ODF2: variants seen among roughly 807,000 people sequenced by gnomAD.
The protein encoded by ODF2 is outer dense fiber protein 2.
Under a neutral mutation model 110.2 loss-of-function variants are expected in ODF2, and 47 were observed. The observed-to-expected ratio is 0.43, with a 90% confidence interval of 0.34 to 0.54. The LOEUF is 0.54. ODF2 is among the 20% of genes least tolerant of loss of function. The pLI, the probability that ODF2 is intolerant of heterozygous loss-of-function variation, is 0.03. For synonymous variants in ODF2, 352 were observed against 397.7 expected (o/e 0.89, Z 1.37); for missense variants, 812 against 1,054.5 (o/e 0.77, Z 3.19).
At chr9:128,456,286 G>C in intron 1 of ODF2, 31 bp downstream of exon 1, 1 of 1,517,704 alleles carries the variant, frequency 6.6e-7, no homozygotes, top group African/African-American at 1.4e-5. Context: ...GGGATCCAGC[G>C]CCCTCCGGGG....
At chr9:128,457,130 G>T in intron 1 of ODF2, 2 of 1,404,346 alleles carry the variant, frequency 1.4e-6, no homozygotes, top group South Asian at 1.2e-5. Flanking sequence ...GTTCTGCCCC[G>T]TCCCCTCCCC....
chr9:128,459,512 AT>A (rs1835848008), intron 2 of ODF2, 54 bp from the exon 2 acceptor site: 1 of 1,387,572 alleles, frequency 7.2e-7, no homozygotes, highest in African/African-American at 1.4e-5. Context: ...GAGATCTGAA[AT>A]ATAAGATTGC....
chr9:128,468,351 A>G (rs1417363246), intron 4 of ODF2, among the ~76,000 whole-genome samples: 1 of 152,052 alleles, frequency 6.6e-6, no homozygotes, highest in Non-Finnish European at 1.5e-5. Flanking sequence ...CTGATTTGTT[A>G]TATTATTTCT....
chr9:128,458,686 C>T (rs1835612563), intron 2 of ODF2, among the ~76,000 whole-genome samples: 1 of 151,388 alleles, frequency 6.6e-6, no homozygotes. Flanking sequence ...AAAAAAAATC[C>T]CCTGCTGCTT....
chr9:128,472,188 G>C (rs571291756), intron 6 of ODF2, among the ~76,000 whole-genome samples: 1 of 152,140 alleles, frequency 6.6e-6, no homozygotes, highest in African/African-American at 2.4e-5. Flanking sequence ...GCTGAGGCAG[G>C]AGAACTGCTT....
At chr9:128,460,298 G>C in intron 3 of ODF2, 1 of 1,392,260 alleles carries the variant, frequency 7.2e-7, no homozygotes. Context: ...GTTCTGGAAC[G>C]GGTGGGTCTT....
chr9:128,456,453 A>G, intron 1 of ODF2, 198 bp downstream of exon 1: 2 of 1,515,472 alleles, frequency 1.3e-6, no homozygotes, highest in East Asian at 2.7e-5. Context: ...TCCTCCCGCT[A>G]ACGGGCGGTC....
intron 9 of ODF2, 119 bp from the exon 10 acceptor site, chr9:128,482,697 G>C: frequency 3.3e-6 from 2 of 604,186 alleles, no homozygotes; most frequent in Non-Finnish European, 5.9e-6. Flanking sequence ...TCTCTGACAT[G>C]GGCCAATGTA....
intron 8 of ODF2, among the ~76,000 whole-genome samples, chr9:128,479,054 G>A (rs1841918387): frequency 6.6e-6 from 1 of 152,210 alleles, no homozygotes; most frequent in Non-Finnish European, 1.5e-5. Flanking sequence ...GGGAGGCCTG[G>A]AGGGCAGTGA....
chr9:128,466,197 G>T (rs1837843837), intron 4 of ODF2, among the ~76,000 whole-genome samples: 1 of 151,922 alleles, frequency 6.6e-6, no homozygotes, highest in Non-Finnish European at 1.5e-5. Flanking sequence ...CGGGCCTGGT[G>T]TCTCACGCCT....
At chr9:128,459,505 AT>A (rs1564453116) in intron 2 of ODF2, 61 bp from the exon 2 acceptor site, 2 of 1,306,130 alleles carry the variant, frequency 1.5e-6, no homozygotes, top group African/African-American at 1.5e-5. Flanking sequence ...ATTTCATGAG[AT>A]CTGAAATATA....
chr9:128,471,359 C>A, exon 6 of ODF2: 2 of 1,613,054 alleles, frequency 1.2e-6, no homozygotes, highest in African/African-American at 1.3e-5. Flanking sequence ...CCTGGAGGAA[C>A]GGAAGGAAGA....
intron 7 of ODF2, 62 bp downstream of exon 7, chr9:128,473,104 C>A: frequency 1.2e-6 from 2 of 1,608,218 alleles, no homozygotes; most frequent in Admixed American, 3.4e-5. Context: ...CAGCTGCAGG[C>A]TGGGCAGGGT....
chr9:128,483,786 T>C, intron 10 of ODF2, 152 bp from the exon 11 acceptor site: 1 of 666,274 alleles, frequency 1.5e-6, no homozygotes. Flanking sequence ...CTCAGGAGGC[T>C]GAGGCGGGAG....
exon 1 of ODF2, chr9:128,456,202 C>T (rs1168092023): frequency 1.9e-6 from 3 of 1,547,558 alleles, no homozygotes; most frequent in African/African-American, 2.7e-5. Flanking sequence ...CCCTGGCCTC[C>T]GACTTCAACG....
intron 2 of ODF2, chr9:128,457,488 A>C (rs758301416): frequency 6.5e-7 from 1 of 1,534,268 alleles, no homozygotes; most frequent in South Asian, 1.2e-5. Flanking sequence ...AAAGGTGGCC[A>C]GGGGTCCCCA....
chr9:128,494,951 G>C lies in ODF2; in HGVS notation c.1911+283G>C. Reference sequence around the variant, plus strand: ...ACTGCTGCCTCTGCCTGTGTGCTCCGCAGCTGTCCTCAGCTCCACACCCAC... The same window carrying C: ...ACTGCTGCCTCTGCCTGTGTGCTCCCCAGCTGTCCTCAGCTCCACACCCAC... On this transcript the variant is annotated intron_variant, in intron 17 of 20. Coordinates refer to ENST00000604420, the Ensembl canonical transcript of ODF2. The surrounding 1 kb of genome is among the most constrained non-coding windows in gnomAD (Gnocchi z 4.6). 1 of 870,430 alleles carries C rather than the reference G, an allele frequency of 1.1e-6. No homozygotes were observed. Among genetic ancestry groups the C allele is most frequent in the Non-Finnish European group, 1.7e-6 (1 of 590,188 alleles). 53.9% of individuals were successfully genotyped at this position (870,430 alleles called of 1,614,324 possible).
intron 5 of ODF2, chr9:128,469,583 A>ATGGG (rs1839195516): frequency 3.7e-6 from 2 of 540,492 alleles, no homozygotes; most frequent in Admixed American, 6.8e-5. Context: ...GGTGCTCCAC[A>ATGGG]TGGGTGGTCC....
At chr9:128,482,681 C>A in intron 9 of ODF2, 135 bp from the exon 10 acceptor site, 1 of 554,644 alleles carries the variant, frequency 1.8e-6, no homozygotes, top group Non-Finnish European at 3.2e-6. Flanking sequence ...GTGCTTCCTA[C>A]CAGAATCTCT....
Sources: allele counts gnomAD v4.1 joint callset (sites outside exome capture counted in the v4.1 genomes callset), GRCh38; gene constraint gnomAD v4.1.1; non-coding constraint Gnocchi (gnomAD v3.1); transcripts MANE v1.5; gene names NCBI Gene and HGNC (gene_info 2026-07-23, HGNC 2026-07-21).